Variants in OLA1 observed in about 807,000 individuals in gnomAD.
The protein encoded by OLA1 is Obg like ATPase 1, also known as obg-like ATPase 1.
OLA1 carries 14 observed loss-of-function variants against 48.4 expected under a neutral mutation model. That is an observed-to-expected ratio of 0.29 (90% CI 0.19 to 0.45). The LOEUF is 0.45. Ranked by LOEUF, OLA1 falls within the 20% of genes least tolerant of loss-of-function variation. The pLI is 1.00. For synonymous variants in OLA1, 127 were observed against 150.4 expected (o/e 0.84, Z 1.14); for missense variants, 325 against 467.1 (o/e 0.70, Z 2.80).
chr2:174,200,587 T>A (rs891768862), intron 4 of OLA1, among the ~76,000 whole-genome samples: 6 of 152,160 alleles, frequency 3.9e-5, no homozygotes, highest in Non-Finnish European at 7.4e-5. Context: ...GAGATTCCCC[T>A]GGAACAACTG....
chr2:174,100,014 T>C (rs967111278), intron 7 of OLA1, among the ~76,000 whole-genome samples: 2 of 152,218 alleles, frequency 1.3e-5, no homozygotes, highest in South Asian at 4.1e-4. Context: ...CAACCCAGTG[T>C]TGGCTGGGGT....
intron 5 of OLA1, among the ~76,000 whole-genome samples, chr2:174,133,523 A>G (rs1255825276): frequency 5.9e-5 from 9 of 152,076 alleles, no homozygotes; most frequent in Admixed American, 1.3e-4. Context: ...AGAATGCCCA[A>G]CTGATTTTTG....
At chr2:174,092,463 G>C (rs1685151334) in intron 7 of OLA1, among the ~76,000 whole-genome samples, 1 of 152,070 alleles carries the variant, frequency 6.6e-6, no homozygotes, top group Admixed American at 6.5e-5. Flanking sequence ...CCAGGAGTTT[G>C]AGACCAGCCT....
At chr2:174,098,152 A>G (rs1457632177) in intron 7 of OLA1, among the ~76,000 whole-genome samples, 1 of 152,242 alleles carries the variant, frequency 6.6e-6, no homozygotes. Context: ...ACAAATAGGC[A>G]CGTGAAACAA....
intron 3 of OLA1, among the ~76,000 whole-genome samples, chr2:174,227,295 T>C (rs1197353253): frequency 6.6e-6 from 1 of 152,090 alleles, no homozygotes; most frequent in Non-Finnish European, 1.5e-5. Context: ...AACAAACACA[T>C]GATCCTGGTT....
At chr2:174,142,816 A>G (rs1050922499) in intron 4 of OLA1, among the ~76,000 whole-genome samples, 1 of 152,242 alleles carries the variant, frequency 6.6e-6, no homozygotes, top group Non-Finnish European at 1.5e-5. Flanking sequence ...ATAGTATCAT[A>G]AAAAATGAAC....
chr2:174,183,347 A>G (rs1345722416), intron 4 of OLA1, among the ~76,000 whole-genome samples: 2 of 152,216 alleles, frequency 1.3e-5, no homozygotes, highest in Non-Finnish European at 2.9e-5. Flanking sequence ...TAAGACCAGA[A>G]GAGTTCAGTC....
Position 174,075,253 on chromosome 2 carries a change from TGGGG to T in OLA1, c.*169_*172del, listed in dbSNP as rs58281097. On this transcript the variant is annotated 3_prime_UTR_variant, in exon 11 of 11. Transcript: ENST00000284719. Reference sequence around the variant, plus strand: ...TCACATTTAGTGAACCTGCATTTCATGGGGGGGGGGGGGTACACAGTATTTTAAT... The same window carrying T: ...TCACATTTAGTGAACCTGCATTTCATGGGGGGGGGTACACAGTATTTTAAT... 3 of 319,068 alleles carry T rather than the reference TGGGG, an allele frequency of 9.4e-6. No homozygotes were observed. The Admixed American group carries it at 1.8e-4, about 19-fold the overall frequency. The allele number at this position is 319,068 out of a possible 1,614,324, so 19.8% of individuals were successfully genotyped here. A position where few individuals can be genotyped will look rare whatever the true frequency, so the allele number is the denominator to read the frequency against.
intron 4 of OLA1, among the ~76,000 whole-genome samples, chr2:174,169,745 C>G (rs1301494999): frequency 6.6e-6 from 1 of 152,124 alleles, no homozygotes; most frequent in Non-Finnish European, 1.5e-5. Flanking sequence ...TCAAAAATGG[C>G]AGATATCTTA....
Position 174,084,747 on chromosome 2 carries a change from T to C in OLA1, c.729-2683A>G, listed in dbSNP as rs905739499. 6.6e-5 allele frequency among the ~76,000 whole-genome samples: 10 copies of C among 152,182 alleles called. No individual in the cohort carries two copies. In the East Asian group the frequency reaches 1.9e-3, roughly 29 times the overall value. The stretch of plus-strand genomic sequence containing the variant: ...AAATGTGTGCTATTGGCACGAGGGA[T>C]ATAGAAAATTAAAGTTGAGCTCAGT... On this transcript the variant is annotated intron_variant, in intron 7 of 10. Transcript: ENST00000284719.
chr2:174,188,058 T>C (rs942411915), intron 4 of OLA1, among the ~76,000 whole-genome samples: 2 of 152,196 alleles, frequency 1.3e-5, no homozygotes, highest in Admixed American at 6.5e-5. Flanking sequence ...ACGGCCAAAA[T>C]GGTTCTGAAT....
At chr2:174,196,809 A>G (rs1687887229) in intron 4 of OLA1, among the ~76,000 whole-genome samples, 1 of 152,250 alleles carries the variant, frequency 6.6e-6, no homozygotes, top group African/African-American at 2.4e-5. Context: ...GCCCTGTCAG[A>G]ATATCTGCTA....
intron 3 of OLA1, among the ~76,000 whole-genome samples, chr2:174,224,592 T>C (rs1027992206): frequency 7.3e-5 from 11 of 151,272 alleles, no homozygotes; most frequent in Middle Eastern, 3.4e-3. Flanking sequence ...CTGGGCAACA[T>C]GGTGAGACTC....
intron 4 of OLA1, among the ~76,000 whole-genome samples, chr2:174,222,030 G>A (rs917221282): frequency 6.6e-6 from 1 of 152,080 alleles, no homozygotes; most frequent in African/African-American, 2.4e-5. Flanking sequence ...CTGTCATGGG[G>A]TTTTGTAAAA....
At chr2:174,086,207 T>C (rs1396555147) in intron 7 of OLA1, among the ~76,000 whole-genome samples, 4 of 152,190 alleles carry the variant, frequency 2.6e-5, no homozygotes, top group Non-Finnish European at 5.9e-5. Context: ...CAGTTTCTAA[T>C]TTCCTGAGAA....
At chr2:174,209,219 G>A (rs1688185527) in intron 4 of OLA1, among the ~76,000 whole-genome samples, 1 of 152,134 alleles carries the variant, frequency 6.6e-6, no homozygotes, top group East Asian at 1.9e-4. Flanking sequence ...AAACACTTAC[G>A]AAGCTATACA....
intron 7 of OLA1, among the ~76,000 whole-genome samples, chr2:174,092,653 C>T (rs1386252668): frequency 6.6e-6 from 1 of 152,146 alleles, no homozygotes; most frequent in East Asian, 1.9e-4. Flanking sequence ...CAGAGTTAGA[C>T]TCTGTCTCAA....
At chr2:174,133,415 C>CAGTG (rs1200646857) in intron 5 of OLA1, among the ~76,000 whole-genome samples, 1 of 152,196 alleles carries the variant, frequency 6.6e-6, no homozygotes, top group East Asian at 1.9e-4. Flanking sequence ...GGCTGGAGTG[C>CAGTG]AGTGGCGCAA....
chr2:174,128,124 G>A (rs1257116689), intron 5 of OLA1, among the ~76,000 whole-genome samples: 1 of 151,988 alleles, frequency 6.6e-6, no homozygotes, highest in Non-Finnish European at 1.5e-5. Context: ...CAGGCATGGT[G>A]GCTCATGCTT....
Sources: gnomAD v4.1 joint callset for allele counts (sites outside exome capture counted in the v4.1 genomes callset) on GRCh38, gnomAD v4.1.1 for gene constraint, MANE v1.5 for transcripts, NCBI Gene and HGNC (gene_info 2026-07-23, HGNC 2026-07-21) for gene names.